ASCC3: variants seen among roughly 807,000 people sequenced by gnomAD.
ASCC3 encodes ASC-1 complex subunit P200.
A neutral mutation model predicts 256.3 loss-of-function variants in ASCC3; 158 were observed. The ratio of observed to expected loss-of-function variants is 0.62; its 90% CI spans 0.54 to 0.70. ASCC3 has a LOEUF of 0.70. Among genes scored for constraint, ASCC3 ranks in the 30% least tolerant of loss-of-function variants. The probability of loss-of-function intolerance (pLI) is 0.00; values close to 1 mark genes in which losing one functional copy is unlikely to be tolerated. For missense variants in ASCC3, 2,259 were observed against 2,626.0 expected (o/e 0.86, Z 3.05); for synonymous variants, 948 against 883.4 (o/e 1.07, Z -1.30).
chr6:100,710,614 A>G (rs926669673), intron 13 of ASCC3, among the ~76,000 whole-genome samples: 26 of 152,160 alleles, frequency 1.7e-4, no homozygotes, highest in African/African-American at 6.3e-4. Context: ...TTTATAATTA[A>G]TGATTCCTAA....
At chr6:100,798,626 T>A in intron 8 of ASCC3, 87 bp downstream of exon 8, 2 of 1,594,892 alleles carry the variant, frequency 1.3e-6, no homozygotes, top group Non-Finnish European at 1.7e-6. Context: ...CAACTAATAA[T>A]GTTTTAAAAC....
At chr6:100,568,853 C>T (rs1444656112) in intron 36 of ASCC3, among the ~76,000 whole-genome samples, 2 of 151,272 alleles carry the variant, frequency 1.3e-5, no homozygotes, top group African/African-American at 4.8e-5. Flanking sequence ...TCTCAGCTCA[C>T]TGCAAGCTCC....
At chr6:100,821,963 A>G (rs867444841) in intron 4 of ASCC3, among the ~76,000 whole-genome samples, 1 of 152,228 alleles carries the variant, frequency 6.6e-6, no homozygotes, top group African/African-American at 2.4e-5. Flanking sequence ...AAAATGGAGA[A>G]ATCTCCAGAC....
intron 16 of ASCC3, among the ~76,000 whole-genome samples, chr6:100,659,711 T>A (rs926880474): frequency 2.0e-5 from 3 of 151,572 alleles, no homozygotes; most frequent in African/African-American, 7.2e-5. Context: ...TGACTTTGTG[T>A]CTTCTGTATA....
At chr6:100,640,151 G>T (rs1582615767) in intron 24 of ASCC3, among the ~76,000 whole-genome samples, 1 of 151,878 alleles carries the variant, frequency 6.6e-6, no homozygotes, top group Non-Finnish European at 1.5e-5. Context: ...TAATAGAGAA[G>T]GAAGGAGGGG....
intron 2 of ASCC3, among the ~76,000 whole-genome samples, chr6:100,866,992 T>C (rs1420588476): frequency 1.3e-5 from 2 of 152,218 alleles, no homozygotes; most frequent in Non-Finnish European, 2.9e-5. Context: ...TTAAAACTTG[T>C]AACTGCATAT....
At chr6:100,651,176 A>C (rs948028003) in intron 19 of ASCC3, among the ~76,000 whole-genome samples, 25 of 151,854 alleles carry the variant, frequency 1.6e-4, no homozygotes, top group African/African-American at 6.0e-4. Context: ...AAAGTATTAA[A>C]GTTTTCACTG....
chr6:100,518,190 G>T, intron 37 of ASCC3, 48 bp from the exon 38 acceptor site: 1 of 1,602,444 alleles, frequency 6.2e-7, no homozygotes. Context: ...CATGGTACTT[G>T]CCCCCTCCAC....
At chr6:100,860,885 G>A (rs866037806) in intron 3 of ASCC3, among the ~76,000 whole-genome samples, 1 of 152,056 alleles carries the variant, frequency 6.6e-6, no homozygotes, top group South Asian at 2.1e-4. Flanking sequence ...AAAGTAAATC[G>A]TGTCAACTCA....
At chr6:100,798,594 T>C in intron 8 of ASCC3, 119 bp downstream of exon 8, 1 of 1,474,490 alleles carries the variant, frequency 6.8e-7, no homozygotes, top group South Asian at 1.2e-5. Flanking sequence ...TAACCAACTA[T>C]ATATGTCTGT....
At position 100,540,137 on chromosome 6, in the gene ASCC3, ATAGGTAT is replaced by A; in HGVS notation, c.5775+19_5775+25del. The A allele has an allele frequency of 2.5e-6, 4 of 1,571,786 alleles. No homozygotes were observed. Among genetic ancestry groups the A allele is most frequent in the Non-Finnish European group, 3.5e-6 (4 of 1,141,390 alleles). On this transcript the variant is annotated intron_variant, in intron 37 of 41. Coordinates refer to ENST00000369162, the MANE Select transcript of ASCC3 (RefSeq NM_006828.4). ...GCAGGAATGATGGGAGAAAACACAC[ATAGGTAT>A]TAGAAATGACTTTCATACCTGACAT...
chr6:100,587,061 G>A (rs994111264), intron 36 of ASCC3, among the ~76,000 whole-genome samples: 1 of 152,098 alleles, frequency 6.6e-6, no homozygotes, highest in African/African-American at 2.4e-5. Flanking sequence ...AACATAATAT[G>A]ACTTTCTTAA....
At chr6:100,817,041 C>T (rs1770785570) in intron 4 of ASCC3, among the ~76,000 whole-genome samples, 1 of 152,016 alleles carries the variant, frequency 6.6e-6, no homozygotes, top group African/African-American at 2.4e-5. Flanking sequence ...ATACATTCTT[C>T]TCTAGCACGC....
rs143781699 is a variant in ASCC3, at chr6:100,647,752, A to G, written c.3253-301T>C. ...TAGGAAGAGACAAAAGGCATGCAAA[A>G]TATTTAGGAGGCTGTTAAGGCATCT... On this transcript the variant is annotated intron_variant, in intron 20 of 41. Coordinates refer to ENST00000369162, the MANE Select transcript of ASCC3 (RefSeq NM_006828.4). 3.3e-5 allele frequency among the ~76,000 whole-genome samples: 5 copies of G among 152,198 alleles called. No individual in the cohort carries two copies. In the East Asian group the frequency reaches 7.8e-4, roughly 24 times the overall value.
At chr6:100,747,867 T>C (rs141890834) in intron 10 of ASCC3, among the ~76,000 whole-genome samples, 178 of 152,158 alleles carry the variant, frequency 1.2e-3, no homozygotes, top group African/African-American at 4.0e-3. Flanking sequence ...TGATATAAAA[T>C]GTTTAAAGAT....
intron 27 of ASCC3, 46 bp downstream of exon 27, chr6:100,628,969 A>G: frequency 1.3e-6 from 2 of 1,549,980 alleles, no homozygotes; most frequent in Non-Finnish European, 1.8e-6. Context: ...TTAATATTTT[A>G]CAAAGTTAAA....
intron 30 of ASCC3, among the ~76,000 whole-genome samples, chr6:100,619,467 T>A (rs141010775): frequency 6.6e-6 from 1 of 152,148 alleles, no homozygotes; most frequent in African/African-American, 2.4e-5. Flanking sequence ...TTTGAAAAAT[T>A]AATTAAAGAT....
chr6:100,819,626 C>T (rs1416489490), intron 4 of ASCC3, among the ~76,000 whole-genome samples: 4 of 151,526 alleles, frequency 2.6e-5, no homozygotes, highest in East Asian at 3.9e-4. Context: ...CTTAAGAGTC[C>T]GATGTTCAAG....
intron 37 of ASCC3, among the ~76,000 whole-genome samples, chr6:100,525,394 A>C (rs1774530185): frequency 6.6e-6 from 1 of 151,956 alleles, no homozygotes. Context: ...GCAAAACACT[A>C]TGGAAAGATC....
Sources: gnomAD v4.1 joint callset for allele counts (sites outside exome capture counted in the v4.1 genomes callset) on GRCh38, gnomAD v4.1.1 for gene constraint, MANE v1.5 for transcripts, NCBI Gene and HGNC (gene_info 2026-07-23, HGNC 2026-07-21) for gene names.